SPRY3: variants seen among roughly 807,000 people sequenced by gnomAD.
SPRY3 encodes protein sprouty homolog 3.
SPRY3 carries 15 observed loss-of-function variants against 20.2 expected under a neutral mutation model. That is an observed-to-expected ratio of 0.74 (90% CI 0.50 to 1.14). SPRY3 has a LOEUF of 1.14. Ranked by LOEUF, SPRY3 falls within the 50% of genes most tolerant of loss-of-function variation. SPRY3 has a pLI of 0.00. For missense variants in SPRY3, 364 were observed against 363.9 expected, an observed-to-expected ratio of 1.00 and a Z score of 0.00; for synonymous variants, 143 against 136.5, an observed-to-expected ratio of 1.05 and a Z score of -0.33.
At chrX:155,722,030 A>G (rs1280796465) in intron 2 of SPRY3, among the ~76,000 whole-genome samples, 1 of 150,380 alleles carries the variant, frequency 6.6e-6, no homozygotes, top group African/African-American at 2.5e-5. Context: ...CAGTACAATA[A>G]GATATAAATA....
At chrX:155,710,926 A>ATATGGTTT (rs1228879238) in intron 2 of SPRY3, among the ~76,000 whole-genome samples, 7 of 151,676 alleles carry the variant, frequency 4.6e-5, no homozygotes, top group African/African-American at 1.7e-4. Context: ...TTTAATGATC[A>ATATGGTTT]TATGGTTTTT....
rs150117912 is a variant in SPRY3 at position 155,732,128 on chromosome X, G to C, written c.-281-35834G>C. 5.0e-3 allele frequency among the ~76,000 whole-genome samples: 758 copies of C among 152,166 alleles called. 6 individuals carry two copies. The highest frequency in any genetic ancestry group is 7.8e-3 in the Non-Finnish European group (530 of 67,938). On this transcript the variant is annotated intron_variant, in intron 2 of 3. Coordinates refer to ENST00000675360, the Ensembl canonical transcript of SPRY3. ...CCGAAGATTCATTTGAAGAATCTGA[G>C]TTTTCCAAAATAGACGATTCTGATG... is the stretch of plus-strand genomic sequence containing the variant.
Position 155,750,007 on chromosome X carries a change from C to A in SPRY3, c.-281-17955C>A, listed in dbSNP as rs143028545. ...ATGTAGATAAACAATAGAAGAGGAC[C>A]AAGGATTGAGTCTTACATTACTTCA... On this transcript the variant is annotated intron_variant, in intron 2 of 3. Transcript: ENST00000675360. 3.4e-3 allele frequency among the ~76,000 whole-genome samples: 518 copies of A among 151,660 alleles called. 2 individuals carry two copies. Among genetic ancestry groups the A allele is most frequent in the Middle Eastern group, 0.017 (5 of 294 alleles).
At chrX:155,689,979 A>G (rs1227781033) in intron 2 of SPRY3, among the ~76,000 whole-genome samples, 1 of 88,269 alleles carries the variant, frequency 1.1e-5, no homozygotes, top group Admixed American at 1.2e-4. Flanking sequence ...TCCTTTTAAC[A>G]CTGCCTTAGC....
chrX:155,707,132 T>C (rs2090957240), intron 2 of SPRY3, among the ~76,000 whole-genome samples: 1 of 151,212 alleles, frequency 6.6e-6, no homozygotes, highest in South Asian at 2.1e-4. Context: ...GTTTAAAGTA[T>C]AAATTTTTTT....
rs116737954 is a variant in SPRY3 at position 155,764,868 on chromosome X, C to T, written c.-281-3094C>T. 4.1e-3 allele frequency among the ~76,000 whole-genome samples: 620 copies of T among 152,194 alleles called. 5 individuals are homozygous for T. The Middle Eastern group carries it at 0.058, about 14-fold the overall frequency. On this transcript the variant is annotated intron_variant, in intron 2 of 3. Transcript: ENST00000675360. Reference sequence around the variant, plus strand: ...CTTATTGGGCTACTGTAACAAAATACCTTTGACTAGATAACTTATAAACAA... The same window carrying T: ...CTTATTGGGCTACTGTAACAAAATATCTTTGACTAGATAACTTATAAACAA...
At chrX:155,779,310 A>G (rs182337175), downstream of SPRY3, 27 of 167,178 alleles carry the variant, frequency 1.6e-4, no homozygotes, top group East Asian at 5.2e-3. Context: ...AAAGTGCTAC[A>G]CTAGGGTGGT....
chrX:155,669,043 A>AACT (rs2068032742), intron 2 of SPRY3, among the ~76,000 whole-genome samples: 1 of 111,135 alleles, frequency 9.0e-6, no homozygotes, highest in African/African-American at 3.3e-5. Flanking sequence ...AACTTACGGT[A>AACT]ACTACACCCA....
intron 2 of SPRY3, among the ~76,000 whole-genome samples, chrX:155,729,578 G>T (rs1405863961): frequency 6.6e-6 from 1 of 151,980 alleles, no homozygotes; most frequent in African/African-American, 2.4e-5. Context: ...TAAGAGTGAA[G>T]TTTATAGCTG....
At chrX:155,780,778 A>C (rs1258719604), downstream of SPRY3, 1 of 167,036 alleles carries the variant, frequency 6.0e-6, no homozygotes, top group Non-Finnish European at 1.5e-5. Flanking sequence ...AGAAGGCCCC[A>C]GGCCTTTCTT....
At chrX:155,660,815 G>T (rs2068007596) in intron 2 of SPRY3, among the ~76,000 whole-genome samples, 1 of 108,059 alleles carries the variant, frequency 9.3e-6, no homozygotes, top group Non-Finnish European at 1.9e-5. Context: ...CTAGTTAAAA[G>T]TCTGTTTTAT....
At chrX:155,680,267 A>C (rs1312204685) in intron 2 of SPRY3, among the ~76,000 whole-genome samples, 1 of 106,072 alleles carries the variant, frequency 9.4e-6, no homozygotes, top group Non-Finnish European at 1.9e-5. Flanking sequence ...TACTACTACT[A>C]CTCTGGCCCT....
exon 4 of SPRY3, chrX:155,774,841 T>A (rs1569403321): frequency 7.5e-7 from 1 of 1,326,852 alleles, no homozygotes; most frequent in Non-Finnish European, 1.0e-6. Flanking sequence ...CTAGCCAAAG[T>A]TAGGGCCTCT....
chrX:155,703,987 A>G (rs1259986044), intron 2 of SPRY3, among the ~76,000 whole-genome samples: 1 of 151,926 alleles, frequency 6.6e-6, no homozygotes, highest in Non-Finnish European at 1.5e-5. Context: ...TACTAACTGT[A>G]ATAATGCAAA....
At chrX:155,773,867 G>A in exon 4 of SPRY3, 1 of 1,611,302 alleles carries the variant, frequency 6.2e-7, no homozygotes, top group Non-Finnish European at 8.5e-7. Flanking sequence ...AAAAATCAAG[G>A]CAAAATGGAT....
intron 1 of SPRY3, among the ~76,000 whole-genome samples, chrX:155,644,718 A>T (rs2067952175): frequency 9.3e-6 from 1 of 107,740 alleles, no homozygotes; most frequent in African/African-American, 3.4e-5. Flanking sequence ...GTCTCACCTT[A>T]GATTCACCCT....
intron 2 of SPRY3, among the ~76,000 whole-genome samples, chrX:155,732,691 T>A (rs763669567): frequency 6.6e-6 from 1 of 152,054 alleles, no homozygotes; most frequent in Non-Finnish European, 1.5e-5. Flanking sequence ...TGAAGAGATA[T>A]CTACACTCCC....
intron 1 of SPRY3, among the ~76,000 whole-genome samples, chrX:155,630,260 A>G (rs1462311668): frequency 1.8e-5 from 2 of 112,273 alleles, no homozygotes; most frequent in African/African-American, 6.5e-5. Context: ...TGAGTGATTT[A>G]CATGCCACCA....
rs190071753 is a variant in SPRY3 at position 155,615,517 on chromosome X, A to C, written c.-441+2870A>C. Among the ~76,000 whole-genome samples, 45 of 112,533 alleles carry C rather than the reference A, an allele frequency of 4.0e-4. No homozygotes were observed. The East Asian group carries it at 0.011, about 27-fold the overall frequency. ...TTTGAAAGAGTTAAAAAATTAAAGA[A>C]GGAAGATTTATTATAAAAGTAGTGA... On this transcript the variant is annotated intron_variant, in intron 1 of 3. Transcript: ENST00000675360.
Sources: allele counts gnomAD v4.1 joint callset (sites outside exome capture counted in the v4.1 genomes callset), GRCh38; gene constraint gnomAD v4.1.1; transcripts MANE v1.5; gene names NCBI Gene and HGNC (gene_info 2026-07-23, HGNC 2026-07-21).